ARHGEF2: variants seen among roughly 807,000 people sequenced by gnomAD.
ARHGEF2 encodes rho guanine nucleotide exchange factor 2.
Under a neutral mutation model 121.0 loss-of-function variants are expected in ARHGEF2, and 22 were observed. The observed-to-expected ratio is 0.18, with a 90% CI of 0.13 to 0.26. ARHGEF2 has a LOEUF of 0.26. ARHGEF2 is among the 10% of genes least tolerant of loss of function. The pLI, the probability that ARHGEF2 is intolerant of heterozygous loss-of-function variation, is 1.00. For synonymous variants in ARHGEF2, 487 were observed against 530.0 expected (o/e 0.92, Z 1.11); for missense variants, 907 against 1,336.0 (o/e 0.68, Z 5.01).
In ARHGEF2 at chr1:155,978,187, C is replaced by CA. The variant is rs1681669429; in HGVS notation, c.63+177dup. The CA allele has an allele frequency of 7.6e-7, 1 of 1,313,120 alleles. No homozygotes were observed. Among genetic ancestry groups the CA allele is most frequent in the African/African-American group, 1.5e-5 (1 of 65,308 alleles). 81.3% of individuals were successfully genotyped at this position (1,313,120 alleles called of 1,614,324 possible). A position where few individuals can be genotyped will look rare whatever the true frequency, so the allele number is the denominator to read the frequency against. ...GCACCGTCGCGTCTGCCGCTCCCCC[C>CA]ACCCCTACCCACTCGCTCGCAGTCC... On this transcript the variant is annotated intron_variant, in intron 1 of 21. Transcript: ENST00000361247. This position sits in a 1 kb window ranked among gnomAD's most constrained non-coding sequence, Gnocchi z 4.1.
rs1180595472 is a variant in ARHGEF2, at chr1:155,950,252, C to T, written c.2887+47G>A. The T allele has an allele frequency of 6.2e-7, 1 of 1,601,440 alleles. No homozygotes were observed. Among genetic ancestry groups the T allele is most frequent in the African/African-American group, 1.3e-5 (1 of 74,922 alleles). Reference sequence around the variant, plus strand: ...GGAAGCCACAGCCCAATGGCCTGTACCCAGGCTGCACTCTACCTCTGGTCC... The same window carrying T: ...GGAAGCCACAGCCCAATGGCCTGTATCCAGGCTGCACTCTACCTCTGGTCC... On this transcript the variant is annotated intron_variant, in intron 21 of 21. Coordinates refer to ENST00000361247, the MANE Select transcript of ARHGEF2 (RefSeq NM_001162383.2). This position sits in a 1 kb window ranked among gnomAD's most constrained non-coding sequence, Gnocchi z 5.2.
Position 155,964,157 on chromosome 1 carries a change from A to AT in ARHGEF2, c.724+830_724+831insA, listed in dbSNP as rs1190645078. Among the ~76,000 whole-genome samples the AT allele has an allele frequency of 2.7e-4, 20 of 74,880 alleles. No homozygotes were observed. In the East Asian group the frequency reaches 4.8e-3, roughly 18 times the overall value. 49.1% of individuals were successfully genotyped at this position (74,880 alleles called of 152,430 possible). A position where few individuals can be genotyped will look rare whatever the true frequency, so the allele number is the denominator to read the frequency against. On this transcript the variant is annotated intron_variant, in intron 7 of 21. Transcript: ENST00000361247. ...AAGACTCTGCTTCAAAAAAAAAAAA[A>AT]AAAAAAAAAAATATATATATATATA...
rs576357869 is a variant in ARHGEF2, at chr1:155,954,328, G to A, written c.1783+574C>T. 5.8e-4 allele frequency among the ~76,000 whole-genome samples: 74 copies of A among 127,668 alleles called. No homozygotes were observed. The East Asian group carries it at 6.6e-3, about 11-fold the overall frequency. The allele number at this position is 127,668 out of a possible 152,430, so 83.8% of individuals were successfully genotyped here. On this transcript the variant is annotated intron_variant, in intron 14 of 21. Transcript: ENST00000361247. ...AGATGGAGTCTCCCTCTGTTGCCCA[G>A]GCTGGAGTGCAGTGGCGTGATCTCA...
Position 155,962,860 on chromosome 1 carries a change from T to C in ARHGEF2, c.975+73A>G. On this transcript the variant is annotated intron_variant, in intron 8 of 21. Transcript: ENST00000361247. This position sits in a 1 kb window ranked among gnomAD's most constrained non-coding sequence, Gnocchi z 5.8. ...TGGCTCCCCTCCAACCCCTAGAATT[T>C]GGACCCAAGAAATGCCCAACCCAGT... is the stretch of plus-strand genomic sequence containing the variant. 6.2e-7 allele frequency: 1 copy of C among 1,604,512 alleles called. No homozygotes were observed. Among genetic ancestry groups the C allele is most frequent in the Non-Finnish European group, 8.5e-7 (1 of 1,173,952 alleles).
intron 16 of ARHGEF2, 44 bp from the exon 17 acceptor site, chr1:155,952,030 G>A: frequency 6.2e-7 from 1 of 1,613,898 alleles, no homozygotes; most frequent in Non-Finnish European, 8.5e-7. Flanking sequence ...CTTCCCTGGG[G>A]CCCTGATACC....
chr1:155,954,651 C>T lies in ARHGEF2; in HGVS notation c.1783+251G>A, dbSNP rs112838596. Among the ~76,000 whole-genome samples, 908 of 137,308 alleles carry T rather than the reference C, an allele frequency of 6.6e-3. 14 individuals carry two copies. Among genetic ancestry groups the T allele is most frequent in the African/African-American group, 0.022 (841 of 38,798 alleles). The allele number at this position is 137,308 out of a possible 152,430, so 90.1% of individuals were successfully genotyped here. A position where few individuals can be genotyped will look rare whatever the true frequency, so the allele number is the denominator to read the frequency against. On this transcript the variant is annotated intron_variant, in intron 14 of 21. Coordinates refer to ENST00000361247, the MANE Select transcript of ARHGEF2 (RefSeq NM_001162383.2). ...CTTTTAGTATAGCAGTTAAATCATA[C>T]CCTAACTAATATAAGGCCTTACAGT...
At chr1:155,958,294 A>G in intron 12 of ARHGEF2, 26 bp downstream of exon 12, 2 of 1,595,692 alleles carry the variant, frequency 1.3e-6, no homozygotes, top group Non-Finnish European at 1.7e-6. Flanking sequence ...GTCTGTGCTG[A>G]GAAAGGTGAA....
At chr1:155,967,333 A>T (rs917343074) in intron 2 of ARHGEF2, among the ~76,000 whole-genome samples, 4 of 152,148 alleles carry the variant, frequency 2.6e-5, no homozygotes, top group South Asian at 2.1e-4. Context: ...CTTTTATAAT[A>T]GTAAATGTTC....
In ARHGEF2 at chr1:155,951,276, G is replaced by A. The variant is rs993888039; in HGVS notation, c.2260-4C>T. 6.3e-7 allele frequency: 1 copy of A among 1,596,944 alleles called. No individual in the cohort carries two copies. The highest frequency in any genetic ancestry group is 8.6e-7 in the Non-Finnish European group (1 of 1,169,480). On this transcript the variant is annotated splice_region_variant and splice_polypyrimidine_tract_variant and intron_variant, in intron 19 of 21. Transcript: ENST00000361247. The surrounding 1 kb of genome is among the most constrained non-coding windows in gnomAD (Gnocchi z 5.1). Reference sequence around the variant, plus strand: ...TGTCCTGCTGGGCCACAGCTGCCTGGGAGTAGAATGCAGGCAGAAGGGTTT... The same window carrying A: ...TGTCCTGCTGGGCCACAGCTGCCTGAGAGTAGAATGCAGGCAGAAGGGTTT...
intron 1 of ARHGEF2, chr1:155,970,841 C>CAAA: frequency 3.0e-6 from 3 of 986,398 alleles, no homozygotes; most frequent in South Asian, 9.3e-5. Flanking sequence ...TGCCTCTCTT[C>CAAA]CCAAGCTCCA....
chr1:155,978,459 G>T lies in ARHGEF2; in HGVS notation c.-32C>A, dbSNP rs764137413. On this transcript the variant is annotated 5_prime_UTR_variant, in exon 1 of 22. Coordinates refer to ENST00000361247, the MANE Select transcript of ARHGEF2 (RefSeq NM_001162383.2). The surrounding 1 kb of genome is among the most constrained non-coding windows in gnomAD (Gnocchi z 4.1). ...ACGGGGGGACCAGGGAGGACGCGGCGCGGACCCCGGCGTCCTGTATTGTTG... is the reference window on the plus strand; with the variant it reads ...ACGGGGGGACCAGGGAGGACGCGGCTCGGACCCCGGCGTCCTGTATTGTTG... 3 of 1,448,192 alleles carry T rather than the reference G, an allele frequency of 2.1e-6. No homozygotes were observed. The highest frequency in any genetic ancestry group is 2.7e-5 in the South Asian group (2 of 74,676). The allele number at this position is 1,448,192 out of a possible 1,614,324, so 89.7% of individuals were successfully genotyped here. A position where few individuals can be genotyped will look rare whatever the true frequency, so the allele number is the denominator to read the frequency against.
chr1:155,951,119 C>A lies in ARHGEF2; in HGVS notation c.2413G>T (p.Ala805Ser), dbSNP rs1237580648. 10 of 1,603,976 alleles carry A rather than the reference C, an allele frequency of 6.2e-6. No homozygotes were observed. The Admixed American group carries it at 1.5e-4, about 25-fold the overall frequency. Residue 805 changes from alanine (A) to serine (S), a missense_variant, in exon 20 of 22, where the codon GCA becomes TCA. Transcript: ENST00000361247. This position sits in a 1 kb window ranked among gnomAD's most constrained non-coding sequence, Gnocchi z 5.1. ...AGCGCATGTTGCCGCTGCAGTAATG[C>A]CAGTTCCGTGGCCTGCTTTTCAGGG... Reference protein sequence around the residue: ...VAPEKQATELALLQRQHALLQ... With the variant: ...VAPEKQATELSLLQRQHALLQ...
In ARHGEF2 at chr1:155,961,920, G is replaced by A. The variant is rs774111008; in HGVS notation, c.1220-11C>T. Reference sequence around the variant, plus strand: ...GCTCCTCCTCGATCCCTGGCACCGGGGGTTGGCATGGGGAACGGCTCAACC... The same window carrying A: ...GCTCCTCCTCGATCCCTGGCACCGGAGGTTGGCATGGGGAACGGCTCAACC... On this transcript the variant is annotated splice_polypyrimidine_tract_variant and intron_variant, in intron 10 of 21. Transcript: ENST00000361247. The surrounding 1 kb of genome is among the most constrained non-coding windows in gnomAD (Gnocchi z 4.7). 6 of 1,613,344 alleles carry A rather than the reference G, an allele frequency of 3.7e-6. No homozygotes were observed. Among genetic ancestry groups the A allele is most frequent in the East Asian group, 2.2e-5 (1 of 44,878 alleles).
intron 1 of ARHGEF2, chr1:155,971,001 C>T: frequency 1.0e-6 from 1 of 986,380 alleles, no homozygotes; most frequent in Non-Finnish European, 1.2e-6. Flanking sequence ...CAGGGTCTCC[C>T]TCCTAGGCTC....
chr1:155,964,791 C>T (rs745569871), intron 7 of ARHGEF2, among the ~76,000 whole-genome samples, 197 bp downstream of exon 7: 2 of 150,224 alleles, frequency 1.3e-5, no homozygotes, highest in South Asian at 2.1e-4. Context: ...TGGTGGCAGG[C>T]GCCTGTAATG....
At chr1:155,960,435 C>A (rs537473328) in intron 11 of ARHGEF2, among the ~76,000 whole-genome samples, 8 of 151,200 alleles carry the variant, frequency 5.3e-5, no homozygotes, top group East Asian at 1.9e-4. Context: ...ACCACTGCAC[C>A]CCAGCCTGAG....
At chr1:155,979,041 G>A (rs1681865299), upstream of ARHGEF2, 1 of 985,620 alleles carries the variant, frequency 1.0e-6, no homozygotes, top group Middle Eastern at 5.2e-4. Context: ...CCCCTTTTAC[G>A]ATTGGGGGCA....
intron 1 of ARHGEF2, chr1:155,970,935 C>T (rs1680337366): frequency 3.0e-6 from 3 of 986,342 alleles, no homozygotes; most frequent in Non-Finnish European, 3.6e-6. Context: ...CCCAATCATC[C>T]ATTTTTCGCA....
Position 155,950,568 on chromosome 1 carries a change from C to G in ARHGEF2, c.2704-86G>C, listed in dbSNP as rs1366737565. 2 of 1,430,400 alleles carry G rather than the reference C, an allele frequency of 1.4e-6. No homozygotes were observed. The highest frequency in any genetic ancestry group is 4.6e-5 in the East Asian group (2 of 43,856). The allele number at this position is 1,430,400 out of a possible 1,614,324, so 88.6% of individuals were successfully genotyped here. On this transcript the variant is annotated intron_variant, in intron 20 of 21. Coordinates refer to ENST00000361247, the MANE Select transcript of ARHGEF2 (RefSeq NM_001162383.2). This position sits in a 1 kb window ranked among gnomAD's most constrained non-coding sequence, Gnocchi z 5.2. ...TTCTGCTTGGCTGAAGGCAGCAGCT[C>G]TCCCCCCTGGGGCTCACCCATGAGT... is the stretch of plus-strand genomic sequence containing the variant.
Sources: allele counts gnomAD v4.1 joint callset (sites outside exome capture counted in the v4.1 genomes callset), GRCh38; gene constraint gnomAD v4.1.1; non-coding constraint Gnocchi (gnomAD v3.1); transcripts MANE v1.5; gene names NCBI Gene and HGNC (gene_info 2026-07-23, HGNC 2026-07-21).